The following CSMD3 variants were observed in gnomAD, a reference collection of about 807,000 sequenced individuals.
The protein encoded by CSMD3 is CUB and Sushi multiple domains 3.
A neutral mutation model predicts 435.2 loss-of-function variants in CSMD3; 177 were observed. The observed-to-expected ratio is 0.41, with a 90% CI of 0.36 to 0.46. The LOEUF is 0.46. Ranked by LOEUF, CSMD3 falls within the 20% of genes least tolerant of loss-of-function variation. CSMD3 has a pLI of 0.34. For synonymous variants in CSMD3, 1,656 were observed against 1,520.5 expected, an observed-to-expected ratio of 1.09 and a Z score of -2.07; for missense variants, 4,265 against 4,504.6, an observed-to-expected ratio of 0.95 and a Z score of 1.52.
chr8:113,256,554 A>C (rs2132329953), intron 3 of CSMD3, among the ~76,000 whole-genome samples: 1 of 152,358 alleles, frequency 6.6e-6, no homozygotes, highest in South Asian at 2.1e-4. Flanking sequence ...GCATAACTTT[A>C]CAATTGTCAA....
intron 13 of CSMD3, among the ~76,000 whole-genome samples, chr8:112,790,680 A>G (rs1251132646): frequency 6.6e-6 from 1 of 152,148 alleles, no homozygotes; most frequent in Admixed American, 6.5e-5. Context: ...AAAAAAGAAC[A>G]AACCTTCAAC....
intron 27 of CSMD3, among the ~76,000 whole-genome samples, chr8:112,540,694 G>T (rs576501016): frequency 6.6e-6 from 1 of 151,988 alleles, no homozygotes; most frequent in Admixed American, 6.6e-5. Context: ...GACAAATATT[G>T]CAAGTTTTCA....
At chr8:113,204,496 GAAGT>G (rs1307071840) in intron 3 of CSMD3, among the ~76,000 whole-genome samples, 12 of 151,910 alleles carry the variant, frequency 7.9e-5, no homozygotes, top group African/African-American at 1.7e-4. Flanking sequence ...ATTTATTATT[GAAGT>G]AAGAACAATT....
At chr8:112,495,017 G>T (rs1002558272) in intron 30 of CSMD3, among the ~76,000 whole-genome samples, 1 of 152,004 alleles carries the variant, frequency 6.6e-6, no homozygotes, top group Non-Finnish European at 1.5e-5. Context: ...CCAAACCATG[G>T]AATATATTTC....
In CSMD3 at chr8:112,314,497, T is replaced by C. The variant is rs1822276318; in HGVS notation, c.7481A>G (p.Tyr2494Cys). 1 of 1,612,716 alleles carries C rather than the reference T, an allele frequency of 6.2e-7. No individual in the cohort carries two copies. Among genetic ancestry groups the C allele is most frequent in the Admixed American group, 1.7e-5 (1 of 59,988 alleles). Residue 2494 changes from tyrosine (Y) to cysteine (C), a missense_variant, in exon 48 of 71, where the codon TAT (tyrosine) becomes TGT (cysteine). This residue lies in a region of CSMD3 where 3,255 missense variants were observed against 3,380.2 expected (regional missense o/e 0.96). Transcript: ENST00000297405. ...CAWSISVEKG[Y>C]NITMFVEFFQ... ...GAATTCTACAAACATGGTGATATTA[T>C]AACCCTTTTCCACTGAAATGCTCCA...
At chr8:112,286,101 G>C (rs540636565) in intron 58 of CSMD3, among the ~76,000 whole-genome samples, 1 of 152,210 alleles carries the variant, frequency 6.6e-6, no homozygotes, top group East Asian at 1.9e-4. Context: ...GTGAATTCTA[G>C]TAACTAACAG....
At chr8:113,168,206 T>C (rs773307195) in intron 4 of CSMD3, among the ~76,000 whole-genome samples, 49 of 152,078 alleles carry the variant, frequency 3.2e-4, no homozygotes, top group Non-Finnish European at 4.0e-4. Flanking sequence ...CAGTTTACAA[T>C]GGTTTGTAAT....
At chr8:112,918,463 T>C (rs1202445404) in intron 10 of CSMD3, among the ~76,000 whole-genome samples, 1 of 151,854 alleles carries the variant, frequency 6.6e-6, no homozygotes, top group African/African-American at 2.4e-5. Context: ...AGTCTATTAT[T>C]ATTAACTATT....
At chr8:112,861,913 G>C (rs2080837408) in intron 10 of CSMD3, among the ~76,000 whole-genome samples, 1 of 151,852 alleles carries the variant, frequency 6.6e-6, no homozygotes, top group South Asian at 2.1e-4. Flanking sequence ...TCAAGGCCTT[G>C]TTTATCATCT....
chr8:112,501,822 T>C (rs1049846944), intron 30 of CSMD3, among the ~76,000 whole-genome samples: 1 of 152,162 alleles, frequency 6.6e-6, no homozygotes, highest in Non-Finnish European at 1.5e-5. Flanking sequence ...ATTTATATAT[T>C]AACTTTGATA....
chr8:113,052,595 G>A (rs748301378), intron 5 of CSMD3, among the ~76,000 whole-genome samples: 8 of 152,102 alleles, frequency 5.3e-5, no homozygotes, highest in East Asian at 1.9e-4. Flanking sequence ...CCTGGACAAC[G>A]TAGCAAGACT....
chr8:113,069,344 T>C (rs561628236), intron 5 of CSMD3, among the ~76,000 whole-genome samples: 3 of 152,238 alleles, frequency 2.0e-5, no homozygotes, highest in South Asian at 4.1e-4. Flanking sequence ...GAACAACATG[T>C]CTTCTCTTTC....
chr8:113,396,576 A>C (rs1400907442), intron 1 of CSMD3, among the ~76,000 whole-genome samples: 2 of 152,072 alleles, frequency 1.3e-5, no homozygotes, highest in Non-Finnish European at 2.9e-5. Flanking sequence ...TTTGGGGGTA[A>C]TTTGTCTTTT....
rs73702280 is a variant in CSMD3, at chr8:113,053,149, T to C, written c.918-33970A>G. On this transcript the variant is annotated intron_variant, in intron 5 of 70. Coordinates refer to ENST00000297405, the MANE Select transcript of CSMD3 (RefSeq NM_198123.2). ...GTAACATAGGATGTTTAACAAGTCC[T>C]TCTCAGGAAAAAAGAAATAAAAAAA... Among the ~76,000 whole-genome samples, 1,183 of 152,216 alleles carry C rather than the reference T, an allele frequency of 7.8e-3. 19 individuals carry two copies. Among genetic ancestry groups the C allele is most frequent in the African/African-American group, 0.027 (1,133 of 41,536 alleles).
At chr8:113,021,868 A>C (rs2086695766) in intron 5 of CSMD3, among the ~76,000 whole-genome samples, 2 of 152,246 alleles carry the variant, frequency 1.3e-5, no homozygotes, top group South Asian at 4.1e-4. Context: ...TGAAACTAAG[A>C]AGTATTCCTG....
At chr8:112,430,629 A>T (rs1813561201) in intron 32 of CSMD3, among the ~76,000 whole-genome samples, 1 of 152,032 alleles carries the variant, frequency 6.6e-6, no homozygotes, top group Admixed American at 6.6e-5. Context: ...CTTATGAACT[A>T]GAAGGTAAAT....
intron 3 of CSMD3, among the ~76,000 whole-genome samples, chr8:113,211,941 ATGT>A (rs1357435654): frequency 1.3e-5 from 2 of 152,270 alleles, no homozygotes; most frequent in East Asian, 3.9e-4. Flanking sequence ...GAAGATTTAA[ATGT>A]TGTCTTTCTG....
At chr8:112,278,344 T>C (rs1447060438) in intron 59 of CSMD3, among the ~76,000 whole-genome samples, 1 of 152,210 alleles carries the variant, frequency 6.6e-6, no homozygotes, top group African/African-American at 2.4e-5. Flanking sequence ...TTTTCTGGCC[T>C]CTGCCAAGAT....
chr8:113,027,954 GCA>G (rs1321994231), intron 5 of CSMD3, among the ~76,000 whole-genome samples: 3 of 152,018 alleles, frequency 2.0e-5, no homozygotes, highest in African/African-American at 7.2e-5. Context: ...AAGATTAAAT[GCA>G]CAGTTTGCAT....
Sources: gnomAD v4.1 joint callset for allele counts (sites outside exome capture counted in the v4.1 genomes callset) on GRCh38, gnomAD v4.1.1 for gene constraint, gnomAD v4.1.1 regional missense constraint, MANE v1.5 for transcripts, NCBI Gene and HGNC (gene_info 2026-07-23, HGNC 2026-07-21) for gene names.